ECE1: variants seen among roughly 807,000 people sequenced by gnomAD.
ECE1 encodes the protein endothelin converting enzyme 1.
ECE1 carries 35 observed loss-of-function variants against 98.6 expected under a neutral mutation model. That is an observed-to-expected ratio of 0.35 (90% CI 0.27 to 0.47). ECE1 has a LOEUF of 0.47. Among genes scored for constraint, ECE1 ranks in the 20% least tolerant of loss-of-function variants. The probability of loss-of-function intolerance (pLI) is 1.00; values close to 1 mark genes in which losing one functional copy is unlikely to be tolerated. For synonymous variants in ECE1, 394 were observed against 407.1 expected (o/e 0.97, Z 0.39); for missense variants, 814 against 1,025.3 (o/e 0.79, Z 2.81).
At chr1:21,269,594 C>G (rs1040979007) in intron 4 of ECE1, among the ~76,000 whole-genome samples, 1 of 152,174 alleles carries the variant, frequency 6.6e-6, no homozygotes, top group Non-Finnish European at 1.5e-5. Context: ...TGGAACTCAC[C>G]TACCACCACC....
At chr1:21,273,570 T>C (rs1481049620) in intron 3 of ECE1, among the ~76,000 whole-genome samples, 4 of 151,998 alleles carry the variant, frequency 2.6e-5, no homozygotes, top group South Asian at 2.1e-4. Flanking sequence ...TGACAGGACA[T>C]AGGAAGGAGG....
chr1:21,345,331 C>G lies in ECE1; in HGVS notation c.3+45G>C, dbSNP rs1244290814. On this transcript the variant is annotated intron_variant, in intron 1 of 18. Transcript: ENST00000415912. The surrounding 1 kb of genome is among the most constrained non-coding windows in gnomAD (Gnocchi z 5.1). ...CCGCGGCACCGCTGCCCGCGACCGTCGAGGCTGGGCTGGACCGGACCAGAC... is the reference window on the plus strand; with the variant it reads ...CCGCGGCACCGCTGCCCGCGACCGTGGAGGCTGGGCTGGACCGGACCAGAC... 1.3e-5 allele frequency: 18 copies of G among 1,351,040 alleles called. No individual in the cohort carries two copies. The highest frequency in any genetic ancestry group is 6.7e-5 in the East Asian group (2 of 29,758). The allele number at this position is 1,351,040 out of a possible 1,614,324, so 83.7% of individuals were successfully genotyped here.
intron 1 of ECE1, among the ~76,000 whole-genome samples, chr1:21,320,042 G>A (rs1425694463): frequency 6.6e-6 from 1 of 152,228 alleles, no homozygotes; most frequent in African/African-American, 2.4e-5. Context: ...AAAGGTGCAT[G>A]CATAAATCTC....
At chr1:21,289,927 C>T (rs1447324481) in intron 2 of ECE1, 143 bp downstream of exon 2, 1 of 1,070,644 alleles carries the variant, frequency 9.3e-7, no homozygotes, top group Non-Finnish European at 1.2e-6. Context: ...TGCGGGGAGG[C>T]GCGGCCCCTC....
At chr1:21,331,221 G>C (rs1454474938) in intron 1 of ECE1, among the ~76,000 whole-genome samples, 1 of 152,072 alleles carries the variant, frequency 6.6e-6, no homozygotes, top group Non-Finnish European at 1.5e-5. Flanking sequence ...TGGCCAACAT[G>C]GTGAAACCCC....
Position 21,319,604 on chromosome 1 carries a change from C to T in ECE1, c.3+25772G>A, listed in dbSNP as rs533439844. ...TCCTGGGAGCCCTCCAAGCCAGCAG[C>T]TGTGCCCTCCCCTCTGTGAACTGGG... On this transcript the variant is annotated intron_variant, in intron 1 of 18. Transcript: ENST00000415912. The surrounding 1 kb of genome is among the most constrained non-coding windows in gnomAD (Gnocchi z 4.4). 2.6e-5 allele frequency among the ~76,000 whole-genome samples: 4 copies of T among 152,150 alleles called. No homozygotes were observed. Among genetic ancestry groups the T allele is most frequent in the Non-Finnish European group, 4.4e-5 (3 of 68,028 alleles).
At chr1:21,261,477 C>T (rs1379180031) in intron 4 of ECE1, among the ~76,000 whole-genome samples, 4 of 152,104 alleles carry the variant, frequency 2.6e-5, no homozygotes, top group African/African-American at 9.7e-5. Context: ...CTGCATGGGA[C>T]CCTGTTAAAA....
At position 21,327,793 on chromosome 1, in the gene ECE1, AG is replaced by A. The variant is rs1340636596; in HGVS notation, c.3+17582del. 6.6e-6 allele frequency among the ~76,000 whole-genome samples: 1 copy of A among 152,056 alleles called. No individual in the cohort carries two copies. On this transcript the variant is annotated intron_variant, in intron 1 of 18. Coordinates refer to the ECE1 transcript ENST00000415912. This position sits in a 1 kb window ranked among gnomAD's most constrained non-coding sequence, Gnocchi z 4.6. ...GTTAGGAACCGGGCCGCACAGCAGG[AG>A]GTGAGCTGTGGGTGGACATTACCGC...
At chr1:21,255,823 C>T (rs1326012827) in intron 8 of ECE1, 124 bp downstream of exon 8, 7 of 1,109,998 alleles carry the variant, frequency 6.3e-6, no homozygotes, top group Non-Finnish European at 9.1e-6. Flanking sequence ...GGCATAACAA[C>T]CATCCTTCCT....
intron 8 of ECE1, among the ~76,000 whole-genome samples, chr1:21,249,804 C>T (rs543884669): frequency 5.3e-5 from 8 of 152,126 alleles, no homozygotes; most frequent in African/African-American, 1.9e-4. Flanking sequence ...GACACAGTCT[C>T]ACTCTGTTGC....
intron 4 of ECE1, among the ~76,000 whole-genome samples, chr1:21,261,433 C>T (rs1021983675): frequency 6.6e-6 from 1 of 152,088 alleles, no homozygotes; most frequent in African/African-American, 2.4e-5. Flanking sequence ...AGCTGTGGGA[C>T]ACAAGAGAAA....
intron 1 of ECE1, among the ~76,000 whole-genome samples, chr1:21,332,055 G>C (rs1387560374): frequency 1.3e-5 from 2 of 152,138 alleles, no homozygotes; most frequent in African/African-American, 2.4e-5. Context: ...CCGTGGACTT[G>C]AGCTCACTAA....
chr1:21,302,942 A>C (rs1056188683), intron 1 of ECE1, among the ~76,000 whole-genome samples: 5 of 151,978 alleles, frequency 3.3e-5, no homozygotes, highest in African/African-American at 1.2e-4. Flanking sequence ...TGATTTCTCT[A>C]TCCTCATCTC....
intron 1 of ECE1, among the ~76,000 whole-genome samples, chr1:21,321,051 G>C (rs1450048822): frequency 1.3e-5 from 2 of 152,184 alleles, no homozygotes; most frequent in East Asian, 3.9e-4. Flanking sequence ...TAATCTTCAT[G>C]ATCACCCTGT....
chr1:21,231,028 AT>A (rs1166580336), intron 14 of ECE1, among the ~76,000 whole-genome samples: 1 of 151,414 alleles, frequency 6.6e-6, no homozygotes, highest in African/African-American at 2.4e-5. Flanking sequence ...GGGTTTCTCC[AT>A]GTTGGTCAGG....
In ECE1 at chr1:21,288,545, A is replaced by G. The variant is rs141344299; in HGVS notation, c.138+1525T>C. 6.3e-3 allele frequency among the ~76,000 whole-genome samples: 960 copies of G among 152,280 alleles called. 8 individuals are homozygous for G. Among genetic ancestry groups the G allele is most frequent in the Non-Finnish European group, 8.5e-3 (577 of 68,020 alleles). The stretch of plus-strand genomic sequence containing the variant: ...TGCTATTTCATCTGAAAAAGGTTAT[A>G]CCCCAAACAGGCTGCTGTGAGGATA... On this transcript the variant is annotated intron_variant, in intron 2 of 18. Transcript: ENST00000374893.
chr1:21,230,183 T>G (rs577604931), intron 14 of ECE1, among the ~76,000 whole-genome samples: 2 of 152,002 alleles, frequency 1.3e-5, no homozygotes, highest in South Asian at 2.1e-4. Context: ...GCCTGGGTGA[T>G]ACAGTGAAAA....
chr1:21,248,407 CAA>C (rs1481221208), intron 8 of ECE1, among the ~76,000 whole-genome samples: 2 of 152,170 alleles, frequency 1.3e-5, no homozygotes, highest in African/African-American at 4.8e-5. Flanking sequence ...CTCCTGACCT[CAA>C]GTGACCCGCC....
intron 17 of ECE1, among the ~76,000 whole-genome samples, chr1:21,223,631 A>G (rs980708091): frequency 2.5e-4 from 38 of 151,242 alleles, no homozygotes; most frequent in Admixed American, 4.6e-4. Flanking sequence ...ACGCCTGGCT[A>G]ATCTTTGTAT....
Sources: gnomAD v4.1 joint callset for allele counts (sites outside exome capture counted in the v4.1 genomes callset) on GRCh38, gnomAD v4.1.1 for gene constraint, Gnocchi (gnomAD v3.1) non-coding constraint, MANE v1.5 for transcripts, NCBI Gene and HGNC (gene_info 2026-07-23, HGNC 2026-07-21) for gene names.